UTS2: variants seen among roughly 807,000 people sequenced by gnomAD.
UTS2 encodes the protein urotensin-2.
Under a neutral mutation model 12.6 loss-of-function variants are expected in UTS2, and 10 were observed. The observed-to-expected ratio is 0.80, with a 90% confidence interval of 0.49 to 1.35. The LOEUF (loss-of-function observed/expected upper bound fraction) is 1.35, where lower values mean the gene tolerates loss of function less well. Among genes scored for constraint, UTS2 ranks in the 40% most tolerant of loss-of-function variants. The pLI, the probability that UTS2 is intolerant of heterozygous loss-of-function variation, is 0.00. For synonymous variants in UTS2, 52 were observed against 50.0 expected, an observed-to-expected ratio of 1.04 and a Z score of -0.17; for missense variants, 142 against 143.2, an observed-to-expected ratio of 0.99 and a Z score of 0.04.
At chr1:7,855,877 T>C (rs1044305138), upstream of UTS2, among the ~76,000 whole-genome samples, 11 of 151,642 alleles carry the variant, frequency 7.3e-5, no homozygotes, top group African/African-American at 2.7e-4. Context: ...TTTTTTTTTT[T>C]CAGATGGGGT....
chr1:7,876,393 C>T, the UTS2 span, among the ~76,000 whole-genome samples: 1 of 125,098 alleles, frequency 8.0e-6, no homozygotes, highest in African/African-American at 2.7e-5. Context: ...AAGATGGGTC[C>T]ACCCAGCCTG....
At chr1:7,850,729 G>T in intron 2 of UTS2, 83 bp downstream of exon 2, 3 of 1,375,428 alleles carry the variant, frequency 2.2e-6, no homozygotes, top group Non-Finnish European at 1.0e-6. Context: ...CCAAAATAGA[G>T]CTTTACCTCT....
the UTS2 span, among the ~76,000 whole-genome samples, chr1:7,871,361 C>G: frequency 6.6e-6 from 1 of 152,036 alleles, no homozygotes; most frequent in Non-Finnish European, 1.5e-5. Flanking sequence ...GGTGTAGAAG[C>G]ATGGGGTCAT....
intron 3 of UTS2, among the ~76,000 whole-genome samples, chr1:7,848,434 G>A (rs1484981754): frequency 6.6e-6 from 1 of 152,052 alleles, no homozygotes; most frequent in Non-Finnish European, 1.5e-5. Context: ...GCAAGACCCT[G>A]TCTCAATAAA....
the UTS2 span, among the ~76,000 whole-genome samples, chr1:7,896,222 G>A: frequency 1.3e-5 from 2 of 151,198 alleles, no homozygotes; most frequent in Non-Finnish European, 2.9e-5. Flanking sequence ...TCTCAAAAGT[G>A]ATATTGCAGA....
At chr1:7,870,694 T>G in the UTS2 span, among the ~76,000 whole-genome samples, 1 of 152,230 alleles carries the variant, frequency 6.6e-6, no homozygotes, top group Non-Finnish European at 1.5e-5. Flanking sequence ...TCCTCCAGTG[T>G]AGAGAATAGA....
At chr1:7,850,105 G>A (rs1373185523) in intron 2 of UTS2, among the ~76,000 whole-genome samples, 1 of 151,932 alleles carries the variant, frequency 6.6e-6, no homozygotes, top group Non-Finnish European at 1.5e-5. Context: ...TAGTAGCTGG[G>A]ATTACAGGTG....
the UTS2 span, among the ~76,000 whole-genome samples, chr1:7,871,524 G>A: frequency 7.2e-5 from 11 of 152,112 alleles, no homozygotes; most frequent in African/African-American, 2.7e-4. Flanking sequence ...GGCCGTGTCA[G>A]CAGCATACCT....
the UTS2 span, among the ~76,000 whole-genome samples, chr1:7,880,451 AAAAT>A: frequency 6.6e-6 from 1 of 151,972 alleles, no homozygotes; most frequent in African/African-American, 2.4e-5. Flanking sequence ...GAAGAACACA[AAAAT>A]AAAGAAAATC....
chr1:7,880,949 C>T, the UTS2 span, among the ~76,000 whole-genome samples: 1 of 152,172 alleles, frequency 6.6e-6, no homozygotes, highest in Admixed American at 6.6e-5. Context: ...GATAATACAT[C>T]ATGAGCAAGT....
chr1:7,906,463 G>C, the UTS2 span, among the ~76,000 whole-genome samples: 1 of 107,614 alleles, frequency 9.3e-6, no homozygotes, highest in Non-Finnish European at 1.9e-5. Context: ...AAGAAAGAAA[G>C]AAAGAAAGAA....
the UTS2 span, among the ~76,000 whole-genome samples, chr1:7,891,300 C>T: frequency 1.3e-5 from 2 of 151,898 alleles, no homozygotes; most frequent in African/African-American, 2.4e-5. Flanking sequence ...CTGGGAGGGC[C>T]GGATCACCTG....
the UTS2 span, among the ~76,000 whole-genome samples, chr1:7,908,235 T>C: frequency 1.1e-4 from 16 of 150,120 alleles, 2 homozygotes; most frequent in African/African-American, 1.7e-4. Context: ...GAGTCAGAGA[T>C]TGCAGTGAGC....
intron 1 of UTS2, among the ~76,000 whole-genome samples, chr1:7,851,768 A>T (rs1175059705): frequency 6.6e-6 from 1 of 152,236 alleles, no homozygotes; most frequent in Non-Finnish European, 1.5e-5. Context: ...GTAAATGCTG[A>T]TAGGAAAGCA....
the UTS2 span, among the ~76,000 whole-genome samples, chr1:7,909,335 G>A: frequency 3.3e-5 from 5 of 151,964 alleles, no homozygotes; most frequent in Admixed American, 2.6e-4. Context: ...ACCTGAGCTC[G>A]GAAGTTCGAG....
the UTS2 span, among the ~76,000 whole-genome samples, chr1:7,878,441 A>G: frequency 6.6e-6 from 1 of 152,252 alleles, no homozygotes. Context: ...AAGCAGTAAG[A>G]GAGAAAGGAA....
At chr1:7,868,968 C>G in the UTS2 span, among the ~76,000 whole-genome samples, 1 of 151,292 alleles carries the variant, frequency 6.6e-6, no homozygotes, top group East Asian at 1.9e-4. Flanking sequence ...AAACCAGACA[C>G]CAAACCTTGA....
At chr1:7,874,662 C>A in the UTS2 span, among the ~76,000 whole-genome samples, 9 of 152,214 alleles carry the variant, frequency 5.9e-5, no homozygotes. Context: ...GCACCCCCAC[C>A]ATCCCCCCAG....
chr1:7,864,185 G>A, the UTS2 span, among the ~76,000 whole-genome samples: 3 of 152,198 alleles, frequency 2.0e-5, no homozygotes, highest in Admixed American at 2.0e-4. Context: ...CACAGCTCTG[G>A]AGGCTGGAAG....
Sources: gnomAD v4.1 joint callset for allele counts (sites outside exome capture counted in the v4.1 genomes callset) on GRCh38, gnomAD v4.1.1 for gene constraint, MANE v1.5 for transcripts, NCBI Gene and HGNC (gene_info 2026-07-23, HGNC 2026-07-21) for gene names.